Variants in OS9 observed in about 807,000 individuals in gnomAD.
OS9 encodes OS9 endoplasmic reticulum lectin.
OS9 carries 58 observed loss-of-function variants against 84.7 expected under a neutral mutation model. The ratio of observed to expected loss-of-function variants is 0.68; its 90% CI spans 0.55 to 0.85. OS9 has a LOEUF of 0.85. Ranked by LOEUF, OS9 falls within the 40% of genes least tolerant of loss-of-function variation. OS9 has a pLI of 0.00. For synonymous variants in OS9, 278 were observed against 320.8 expected, an observed-to-expected ratio of 0.87 and a Z score of 1.43; for missense variants, 760 against 850.9, an observed-to-expected ratio of 0.89 and a Z score of 1.33.
intron 5 of OS9, among the ~76,000 whole-genome samples, chr12:57,706,314 A>G (rs1954165053): frequency 1.3e-5 from 2 of 151,020 alleles, no homozygotes; most frequent in Non-Finnish European, 3.0e-5. Flanking sequence ...GTTTTTTTTT[A>G]TTCTTTCACT....
chr12:57,696,209 G>T, intron 4 of OS9, 66 bp from the exon 5 acceptor site: 5 of 1,355,588 alleles, frequency 3.7e-6, no homozygotes, highest in Non-Finnish European at 5.2e-6. Flanking sequence ...CTTTGGGGAC[G>T]CAGTGCCATC....
intron 5 of OS9, among the ~76,000 whole-genome samples, chr12:57,713,483 A>G (rs937352228): frequency 5.9e-5 from 9 of 152,150 alleles, no homozygotes; most frequent in East Asian, 1.9e-4. Flanking sequence ...CGTGAGGGCA[A>G]TCAGGGCCCC....
intron 5 of OS9, among the ~76,000 whole-genome samples, chr12:57,708,325 C>A (rs1197086693): frequency 6.6e-6 from 1 of 151,528 alleles, no homozygotes; most frequent in Non-Finnish European, 1.5e-5. Flanking sequence ...CTTTCCAAAT[C>A]AATATATATA....
At chr12:57,707,559 C>T (rs1954207210) in intron 5 of OS9, among the ~76,000 whole-genome samples, 1 of 152,114 alleles carries the variant, frequency 6.6e-6, no homozygotes, top group African/African-American at 2.4e-5. Flanking sequence ...CCACTATGCC[C>T]AGCTAATTTT....
intron 5 of OS9, among the ~76,000 whole-genome samples, chr12:57,713,996 C>T (rs192012927): frequency 2.6e-5 from 4 of 151,928 alleles, no homozygotes; most frequent in African/African-American, 9.7e-5. Flanking sequence ...TGTAGTCCTA[C>T]CTTGGGAGGT....
At chr12:57,720,053 A>G (rs749468148) in intron 12 of OS9, 46 bp from the exon 13 acceptor site, 7 of 1,584,138 alleles carry the variant, frequency 4.4e-6, no homozygotes, top group African/African-American at 1.3e-5. Flanking sequence ...CTAACCCTGG[A>G]GTCACGCCTC....
chr12:57,696,428 G>A lies in OS9; in HGVS notation c.579+55G>A, dbSNP rs866759523. 8.0e-5 allele frequency: 51 copies of A among 634,086 alleles called. 1 individual carries two copies. The Middle Eastern group carries it at 1.5e-3, about 19-fold the overall frequency. The allele number at this position is 634,086 out of a possible 1,614,324, so 39.3% of individuals were successfully genotyped here. ...CCCACAGGGACAGTTCAGATTCTAA[G>A]GGAAGAGGGTTGCATCTTATAGTCG... is the stretch of plus-strand genomic sequence containing the variant. On this transcript the variant is annotated intron_variant, in intron 5 of 14. Coordinates refer to ENST00000315970, the MANE Select transcript of OS9 (RefSeq NM_006812.4).
At chr12:57,709,042 A>G (rs973902199) in intron 5 of OS9, among the ~76,000 whole-genome samples, 2 of 152,110 alleles carry the variant, frequency 1.3e-5, no homozygotes, top group Non-Finnish European at 2.9e-5. Context: ...TTTAATTTGC[A>G]TTTCTCTTAA....
At chr12:57,697,920 C>CGGAACCCA (rs1555192641) in intron 5 of OS9, among the ~76,000 whole-genome samples, 2 of 81,064 alleles carry the variant, frequency 2.5e-5, no homozygotes, top group African/African-American at 4.5e-5. Context: ...CACACACACA[C>CGGAACCCA]ACATACACAC....
chr12:57,707,738 C>T (rs1004046258), intron 5 of OS9, among the ~76,000 whole-genome samples: 34 of 152,234 alleles, frequency 2.2e-4, no homozygotes, highest in African/African-American at 7.9e-4. Flanking sequence ...CCTTCCTTCT[C>T]CTTTCTTTGT....
chr12:57,716,470 GCCAGAGGA>G lies in OS9; in HGVS notation c.956_963del (p.Glu319GlyfsTer10). On this transcript the variant is annotated frameshift_variant, in exon 8 of 15. Transcript: ENST00000315970. LOFTEE classifies it high-confidence loss of function. ...CAGATTTCTGGAAGATGCTTAATGAGCCAGAGGACCAGGCCCCAGGAGGGGAGGAGGTG... is the reference window on the plus strand; with the variant it reads ...CAGATTTCTGGAAGATGCTTAATGAGCCAGGCCCCAGGAGGGGAGGAGGTG... 1 of 1,573,942 alleles carries G rather than the reference GCCAGAGGA, an allele frequency of 6.4e-7. No individual in the cohort carries two copies. Among genetic ancestry groups the G allele is most frequent in the African/African-American group, 1.3e-5 (1 of 74,364 alleles).
In OS9 at chr12:57,721,426, C is replaced by G. The variant is rs73338203; in HGVS notation, c.*517C>G. The G allele has an allele frequency of 4.4e-3, 697 of 156,948 alleles. 7 individuals are homozygous for G. The highest frequency in any genetic ancestry group is 0.016 in the African/African-American group (654 of 41,556). 9.7% of individuals were successfully genotyped at this position (156,948 alleles called of 1,614,324 possible). A position where few individuals can be genotyped will look rare whatever the true frequency, so the allele number is the denominator to read the frequency against. On this transcript the variant is annotated 3_prime_UTR_variant, in exon 15 of 15. Coordinates refer to ENST00000315970, the MANE Select transcript of OS9 (RefSeq NM_006812.4). ...CAATTTGTGCTTCTGAGTTGAGGAG[C>G]CTTCACCTCTGTTGCTGAGGAAATG... is the stretch of plus-strand genomic sequence containing the variant.
At chr12:57,706,329 G>A (rs1954165653) in intron 5 of OS9, among the ~76,000 whole-genome samples, 1 of 151,418 alleles carries the variant, frequency 6.6e-6, no homozygotes, top group African/African-American at 2.4e-5. Context: ...TTCACTTCTG[G>A]GATAATCCAT....
At chr12:57,718,945 C>T (rs1954593552) in intron 11 of OS9, 48 bp from the exon 12 acceptor site, 1 of 1,435,086 alleles carries the variant, frequency 7.0e-7, no homozygotes, top group Non-Finnish European at 9.7e-7. Context: ...CGCTGGCTGC[C>T]TCCACACCCC....
At chr12:57,707,557 C>T (rs1004563445) in intron 5 of OS9, among the ~76,000 whole-genome samples, 2 of 152,102 alleles carry the variant, frequency 1.3e-5, no homozygotes, top group Non-Finnish European at 2.9e-5. Context: ...CTCCACTATG[C>T]CCAGCTAATT....
In OS9 at chr12:57,716,284, G is replaced by GA. The variant is rs903319957; in HGVS notation, c.892+91_892+92insA. ...GTCCTGACTGACTGGTGGGGTGGGG[G>GA]GGGGTGGAAAAGTACCATGGGCCCT... On this transcript the variant is annotated intron_variant, in intron 7 of 14. Coordinates refer to ENST00000315970, the MANE Select transcript of OS9 (RefSeq NM_006812.4). The GA allele has an allele frequency of 2.1e-5, 16 of 763,138 alleles. No individual in the cohort carries two copies. In the Admixed American group the frequency reaches 2.2e-4, roughly 11 times the overall value. 47.3% of individuals were successfully genotyped at this position (763,138 alleles called of 1,614,324 possible).
chr12:57,695,739 C>G, intron 2 of OS9, 41 bp from the exon 3 acceptor site: 1 of 1,321,666 alleles, frequency 7.6e-7, no homozygotes. Context: ...GAAAAGATGT[C>G]TGCACTCCAT....
In OS9 at chr12:57,697,965, A is replaced by ACACC. The variant is rs1286161062; in HGVS notation, c.579+1593_579+1594insACCC. Among the ~76,000 whole-genome samples, 238 of 147,858 alleles carry ACACC rather than the reference A, an allele frequency of 1.6e-3. 2 individuals carry two copies. The highest frequency in any genetic ancestry group is 5.5e-3 in the African/African-American group (219 of 39,806). Reference sequence around the variant, plus strand: ...CACACACACACACACACACACACACACCCTATTGCTCCTGTCCTGGTAAGC... The same window carrying ACACC: ...CACACACACACACACACACACACACACACCCCCTATTGCTCCTGTCCTGGTAAGC... On this transcript the variant is annotated intron_variant, in intron 5 of 14. Transcript: ENST00000315970.
At chr12:57,694,402 G>A in intron 1 of OS9, 79 bp downstream of exon 1, 1 of 1,453,476 alleles carries the variant, frequency 6.9e-7, no homozygotes, top group Non-Finnish European at 9.6e-7. Flanking sequence ...CAGCTCCGGA[G>A]TCTGGGGCTG....
Sources: gnomAD v4.1 joint callset for allele counts (sites outside exome capture counted in the v4.1 genomes callset) on GRCh38, gnomAD v4.1.1 for gene constraint, MANE v1.5 for transcripts, NCBI Gene and HGNC (gene_info 2026-07-23, HGNC 2026-07-21) for gene names.